SLC36A1: variants seen among roughly 807,000 people sequenced by gnomAD.
The protein encoded by SLC36A1 is proton-coupled amino acid transporter 1.
A neutral mutation model predicts 47.5 loss-of-function variants in SLC36A1; 30 were observed. The observed-to-expected ratio is 0.63, with a 90% CI of 0.47 to 0.86. The LOEUF is 0.86. Among genes scored for constraint, SLC36A1 ranks in the 40% least tolerant of loss-of-function variants. The pLI, the probability that SLC36A1 is intolerant of heterozygous loss-of-function variation, is 0.00. For synonymous variants in SLC36A1, 255 were observed against 249.7 expected (o/e 1.02, Z -0.20); for missense variants, 517 against 606.0 (o/e 0.85, Z 1.54).
At chr5:151,517,829 C>G in the SLC36A1 span, 1 of 1,581,132 alleles carries the variant, frequency 6.3e-7, no homozygotes, top group Non-Finnish European at 8.6e-7. Context: ...CTTGGACTGA[C>G]TTTGTCTTAT....
At chr5:151,418,957 C>T in the SLC36A1 span, among the ~76,000 whole-genome samples, 7,182 of 152,130 alleles carry the variant, frequency 0.047, 543 homozygotes, top group African/African-American at 0.16. Context: ...GGGGCCATTT[C>T]CCCCATGCTG....
chr5:151,521,389 T>C, the SLC36A1 span: 3 of 1,614,208 alleles, frequency 1.9e-6, no homozygotes, highest in Admixed American at 3.3e-5. Context: ...ATGGCAGATT[T>C]GACCCTGGCA....
At chr5:151,475,072 C>T (rs187712319) in intron 8 of SLC36A1, among the ~76,000 whole-genome samples, 2 of 152,310 alleles carry the variant, frequency 1.3e-5, no homozygotes, top group East Asian at 3.9e-4. Context: ...TTGCCCTGTG[C>T]TCTATCTTAG....
At chr5:151,555,269 G>A in the SLC36A1 span, among the ~76,000 whole-genome samples, 2 of 151,330 alleles carry the variant, frequency 1.3e-5, no homozygotes. Flanking sequence ...ACACTTTGGT[G>A]TTTAAAGGTA....
chr5:151,555,448 G>T, the SLC36A1 span, among the ~76,000 whole-genome samples: 5 of 141,094 alleles, frequency 3.5e-5, no homozygotes, highest in Admixed American at 3.1e-4. Context: ...TCAGCTCACT[G>T]CAACCTCCGT....
intron 1 of SLC36A1, among the ~76,000 whole-genome samples, chr5:151,457,177 C>T (rs1211939003): frequency 2.0e-5 from 3 of 152,066 alleles, no homozygotes; most frequent in Admixed American, 6.5e-5. Context: ...AACTGGGACT[C>T]TGTAGAGTGG....
chr5:151,446,860 G>T (rs1335746505), upstream of SLC36A1, among the ~76,000 whole-genome samples: 3 of 152,120 alleles, frequency 2.0e-5, no homozygotes, highest in Non-Finnish European at 4.4e-5. Flanking sequence ...TTGAAAGTGG[G>T]ATATTGACCC....
chr5:151,357,102 C>T, the SLC36A1 span, among the ~76,000 whole-genome samples: 7 of 152,186 alleles, frequency 4.6e-5, no homozygotes, highest in African/African-American at 1.2e-4. Context: ...CGAAGTTCAT[C>T]GGTTTAGTGA....
chr5:151,468,999 C>G (rs1394216368), intron 7 of SLC36A1, among the ~76,000 whole-genome samples: 1 of 151,884 alleles, frequency 6.6e-6, no homozygotes, highest in African/African-American at 2.4e-5. Context: ...AAAATGTGCC[C>G]TTAAACACTA....
At chr5:151,548,788 A>G in the SLC36A1 span, among the ~76,000 whole-genome samples, 2 of 152,204 alleles carry the variant, frequency 1.3e-5, no homozygotes, top group African/African-American at 4.8e-5. Flanking sequence ...GCCAACATAC[A>G]TTTTCTCTTT....
chr5:151,366,989 G>T, the SLC36A1 span, among the ~76,000 whole-genome samples: 420 of 152,250 alleles, frequency 2.8e-3, 2 homozygotes, highest in African/African-American at 9.5e-3. Context: ...ATGCTTCAAA[G>T]TGCAAAAAGC....
the SLC36A1 span, chr5:151,522,142 C>T: frequency 2.9e-6 from 4 of 1,387,262 alleles, no homozygotes; most frequent in East Asian, 2.5e-5. Context: ...CTCTTGCGCC[C>T]GACTGAGGCT....
chr5:151,423,714 A>G, the SLC36A1 span, among the ~76,000 whole-genome samples: 8,312 of 152,262 alleles, frequency 0.055, 738 homozygotes, highest in African/African-American at 0.19. Flanking sequence ...TGGTGGACAC[A>G]TGCCATTGTA....
intron 7 of SLC36A1, 69 bp downstream of exon 7, chr5:151,467,994 G>A (rs934485087): frequency 6.1e-5 from 82 of 1,335,590 alleles, no homozygotes; most frequent in Admixed American, 1.7e-4. Context: ...GGTAGCTCAT[G>A]CCTGTAATCC....
At chr5:151,427,763 A>T in the SLC36A1 span, among the ~76,000 whole-genome samples, 1 of 152,174 alleles carries the variant, frequency 6.6e-6, no homozygotes, top group African/African-American at 2.4e-5. Flanking sequence ...CAGCACTCAG[A>T]TCTCTCCAAC....
the SLC36A1 span, chr5:151,542,905 G>A: frequency 1.2e-6 from 2 of 1,614,146 alleles, no homozygotes; most frequent in Non-Finnish European, 1.7e-6. Context: ...TGGGTCTAGG[G>A]AGAAGACACC....
At chr5:151,466,992 A>C (rs1756492519) in intron 5 of SLC36A1, among the ~76,000 whole-genome samples, 1 of 152,186 alleles carries the variant, frequency 6.6e-6, no homozygotes, top group South Asian at 2.1e-4. Flanking sequence ...ACTGTTAAAA[A>C]AACACTTAAT....
At chr5:151,422,396 TAAGAA>T in the SLC36A1 span, among the ~76,000 whole-genome samples, 1 of 152,002 alleles carries the variant, frequency 6.6e-6, no homozygotes, top group Non-Finnish European at 1.5e-5. Context: ...AACTCAAAGA[TAAGAA>T]AAGAAACAAT....
chr5:151,389,490 G>A, the SLC36A1 span, among the ~76,000 whole-genome samples: 11 of 151,542 alleles, frequency 7.3e-5, no homozygotes, highest in Non-Finnish European at 1.5e-4. Flanking sequence ...ATACATGTGC[G>A]ATGTTGGTGT....
Sources: allele counts gnomAD v4.1 joint callset (sites outside exome capture counted in the v4.1 genomes callset), GRCh38; gene constraint gnomAD v4.1.1; transcripts MANE v1.5; gene names NCBI Gene and HGNC (gene_info 2026-07-23, HGNC 2026-07-21).